The following SNAPC3 variants were observed in gnomAD, a reference collection of about 807,000 sequenced individuals.
SNAPC3 encodes the protein small nuclear RNA activating complex polypeptide 3.
Under a neutral mutation model 47.7 loss-of-function variants are expected in SNAPC3, and 56 were observed. That is an observed-to-expected ratio of 1.18 (90% CI 0.95 to 1.47). The LOEUF is 1.47. Ranked by LOEUF, SNAPC3 falls within the 40% of genes most tolerant of loss-of-function variation. The pLI, the probability that SNAPC3 is intolerant of heterozygous loss-of-function variation, is 0.00. For synonymous variants in SNAPC3, 235 were observed against 189.9 expected (o/e 1.24, Z -1.95); for missense variants, 665 against 511.3 (o/e 1.30, Z -2.90).
rs2034932535 is a variant in SNAPC3 at position 15,458,075 on chromosome 9, A to T, written c.1088+8A>T. On this transcript the variant is annotated splice_region_variant and intron_variant, in intron 8 of 8. Coordinates refer to ENST00000380821, the MANE Select transcript of SNAPC3 (RefSeq NM_001039697.2). ...TAAAATGTATACAGCCAGGTGAGTG[A>T]TAATGTATTTTTTTTTTTCTCTGAG... 1 of 1,381,198 alleles carries T rather than the reference A, an allele frequency of 7.2e-7. No homozygotes were observed. Among genetic ancestry groups the T allele is most frequent in the Non-Finnish European group, 9.6e-7 (1 of 1,037,004 alleles). The allele number at this position is 1,381,198 out of a possible 1,614,324, so 85.6% of individuals were successfully genotyped here.
At chr9:15,465,523 G>A, downstream of SNAPC3, 2 of 1,557,522 alleles carry the variant, frequency 1.3e-6, no homozygotes, top group South Asian at 1.1e-5. Context: ...TGTCAACCTA[G>A]TTATCTAGTG....
chr9:15,447,026 G>A (rs1212082160), intron 4 of SNAPC3, 69 bp from the exon 5 acceptor site: 3 of 1,341,848 alleles, frequency 2.2e-6, no homozygotes, highest in African/African-American at 1.4e-5. Flanking sequence ...TTTTGATCTA[G>A]TCATGACAGG....
intron 3 of SNAPC3, chr9:15,433,840 C>T: frequency 2.5e-6 from 1 of 395,436 alleles, no homozygotes; most frequent in East Asian, 3.8e-5. Flanking sequence ...TTTTTCAGAT[C>T]TCTGCCTTTA....
downstream of SNAPC3, chr9:15,461,867 TAA>T (rs890352780): frequency 8.5e-5 from 13 of 152,316 alleles, no homozygotes; most frequent in African/African-American, 3.1e-4. Flanking sequence ...ATAGAGAACT[TAA>T]GAGGCTGGCT....
In SNAPC3 at chr9:15,460,557, A is replaced by C. The variant is rs1038607652; in HGVS notation, c.*691A>C. ...AGGCACCTGGCACCATGCCTGGCTA[A>C]TTTTTGTATTTTTAGTAGAGACGGG... On this transcript the variant is annotated 3_prime_UTR_variant, in exon 9 of 9. Coordinates refer to ENST00000380821, the MANE Select transcript of SNAPC3 (RefSeq NM_001039697.2). The C allele has an allele frequency of 9.9e-5, 15 of 152,266 alleles. No individual in the cohort carries two copies. Among genetic ancestry groups the C allele is most frequent in the African/African-American group, 3.6e-4 (15 of 41,536 alleles). The allele number at this position is 152,266 out of a possible 1,614,324, so 9.4% of individuals were successfully genotyped here. A position where few individuals can be genotyped will look rare whatever the true frequency, so the allele number is the denominator to read the frequency against.
intron 3 of SNAPC3, among the ~76,000 whole-genome samples, chr9:15,444,218 C>T (rs1356288964): frequency 1.3e-5 from 2 of 152,194 alleles, no homozygotes; most frequent in African/African-American, 4.8e-5. Context: ...AATCACTGAA[C>T]CTCTGAGCTT....
chr9:15,433,575 A>G lies in SNAPC3; in HGVS notation c.416A>G (p.His139Arg), dbSNP rs776047689. The G allele has an allele frequency of 1.7e-5, 28 of 1,608,398 alleles. No individual in the cohort carries two copies. Among genetic ancestry groups the G allele is most frequent in the Non-Finnish European group, 2.4e-5 (28 of 1,177,026 alleles). The part of the protein sequence containing the change: ...TLGVRKRFLE[H>R]REETITIDRA... ...AGGGTTAGAAAAAGGTTCTTGGAAC[A>G]TCGGGAAGAAACCATTACAATAGAT... The change falls in exon 3 of 9, where the codon CAT becomes CGT. Residue 139 changes from histidine (H) to arginine (R), a missense_variant. Physicochemically the swap from His to Arg is conservative, Grantham distance 29 (BLOSUM62 0). Transcript: ENST00000380821.
At position 15,444,702 on chromosome 9, in the gene SNAPC3, ATAAGG is replaced by A; in HGVS notation, c.582+1_582+5del. ...AATATCTTGTACCCTGTTATATTTC[ATAAGG>A]TAAGTAGTAAAACCTTTTGGATTTT... is the stretch of plus-strand genomic sequence containing the variant. On this transcript the variant is annotated splice_donor_variant and coding_sequence_variant, in exon 4 of 9. Coordinates refer to ENST00000380821, the MANE Select transcript of SNAPC3 (RefSeq NM_001039697.2). LOFTEE classifies it high-confidence loss of function. 1 of 1,540,904 alleles carries A rather than the reference ATAAGG, an allele frequency of 6.5e-7. No individual in the cohort carries two copies. Among genetic ancestry groups the A allele is most frequent in the Non-Finnish European group, 9.0e-7 (1 of 1,116,372 alleles).
intron 3 of SNAPC3, among the ~76,000 whole-genome samples, chr9:15,435,728 T>TA (rs566806035): frequency 0.052 from 6,407 of 123,556 alleles, 447 homozygotes; most frequent in African/African-American, 0.17. Flanking sequence ...AAACTCTGTC[T>TA]AAAAAAAAAA....
intron 3 of SNAPC3, among the ~76,000 whole-genome samples, chr9:15,434,563 A>C (rs12684477): frequency 6.6e-6 from 1 of 152,006 alleles, no homozygotes; most frequent in Admixed American, 6.6e-5. Context: ...GCCTGCCACC[A>C]TGCCTGGCTC....
chr9:15,465,146 A>C (rs2035531713), downstream of SNAPC3: 1 of 236,590 alleles, frequency 4.2e-6, no homozygotes, highest in African/African-American at 2.2e-5. Context: ...TATGCACAAA[A>C]CCCACAGTAT....
At chr9:15,423,306 T>A in intron 1 of SNAPC3, 113 bp downstream of exon 1, 1 of 1,098,880 alleles carries the variant, frequency 9.1e-7, no homozygotes, top group Non-Finnish European at 1.3e-6. Context: ...AGACCTGGGC[T>A]AGGAGTATTA....
At chr9:15,462,913 C>G (rs1033674001), downstream of SNAPC3, 1 of 152,198 alleles carries the variant, frequency 6.6e-6, no homozygotes, top group African/African-American at 2.4e-5. Context: ...GCAAAGCCCT[C>G]ACAGCACCCT....
intron 5 of SNAPC3, among the ~76,000 whole-genome samples, chr9:15,450,204 C>T (rs1361136779): frequency 6.6e-6 from 1 of 151,998 alleles, no homozygotes; most frequent in Non-Finnish European, 1.5e-5. Context: ...AAAGTAAAGG[C>T]TTTACTCACA....
chr9:15,457,532 C>G (rs1208080676), intron 7 of SNAPC3, among the ~76,000 whole-genome samples: 1 of 152,056 alleles, frequency 6.6e-6, no homozygotes, highest in African/African-American at 2.4e-5. Context: ...GAGTTTGAGG[C>G]TACAGTAAGC....
intron 2 of SNAPC3, among the ~76,000 whole-genome samples, chr9:15,433,233 CAG>C (rs1016951150): frequency 3.5e-5 from 5 of 144,922 alleles, no homozygotes; most frequent in African/African-American, 5.2e-5. Flanking sequence ...GGAAAAATAA[CAG>C]ATGCCATGTG....
chr9:15,445,442 A>T (rs1045172199), intron 4 of SNAPC3, among the ~76,000 whole-genome samples: 4 of 152,172 alleles, frequency 2.6e-5, no homozygotes, highest in Admixed American at 2.0e-4. Flanking sequence ...AATACAGAAC[A>T]TTATTAAGTC....
chr9:15,462,479 G>C (rs1360646144), downstream of SNAPC3: 1 of 151,958 alleles, frequency 6.6e-6, no homozygotes, highest in African/African-American at 2.4e-5. Context: ...CTCTTTTTTC[G>C]AGGCAGCTTT....
chr9:15,433,511 G>T, intron 2 of SNAPC3, 41 bp from the exon 3 acceptor site: 1 of 1,234,066 alleles, frequency 8.1e-7, no homozygotes, highest in Middle Eastern at 2.0e-4. Flanking sequence ...AATAACAAAT[G>T]TTGAACTTTG....
Sources: allele counts gnomAD v4.1 joint callset (sites outside exome capture counted in the v4.1 genomes callset), GRCh38; gene constraint gnomAD v4.1.1; transcripts MANE v1.5; gene names NCBI Gene and HGNC (gene_info 2026-07-23, HGNC 2026-07-21).